RSPH10B2: variants seen among roughly 807,000 people sequenced by gnomAD.
The protein encoded by RSPH10B2 is radial spoke head 10 homolog B2 (Chlamydomonas).
A neutral mutation model predicts 49.0 loss-of-function variants in RSPH10B2; 9 were observed. That is an observed-to-expected ratio of 0.18 (90% CI 0.11 to 0.32). RSPH10B2 has a LOEUF of 0.32. RSPH10B2 is among the 10% of genes least tolerant of loss of function. The pLI is 1.00. For synonymous variants in RSPH10B2, 35 were observed against 210.2 expected (o/e 0.17, Z 7.21); for missense variants, 95 against 589.9 (o/e 0.16, Z 8.69).
At chr7:6,793,551 A>G (rs1355867641) in intron 17 of RSPH10B2, among the ~76,000 whole-genome samples, 2 of 122,590 alleles carry the variant, frequency 1.6e-5, no homozygotes, top group Non-Finnish European at 3.3e-5. Context: ...CAGTTAGGAA[A>G]ATCTCTTCTC....
intron 6 of RSPH10B2, among the ~76,000 whole-genome samples, chr7:6,767,939 G>A (rs1273058588): frequency 2.9e-5 from 4 of 136,978 alleles, no homozygotes; most frequent in Admixed American, 1.5e-4. Flanking sequence ...TGGCTCACAC[G>A]TGTAATCCCA....
chr7:6,781,486 T>C lies in RSPH10B2; in HGVS notation c.1758+10T>C, dbSNP rs1283137432. The C allele has an allele frequency of 5.7e-6, 7 of 1,224,538 alleles. 1 individual carries two copies. The highest frequency in any genetic ancestry group is 7.4e-6 in the Non-Finnish European group (7 of 943,224). 75.9% of individuals were successfully genotyped at this position (1,224,538 alleles called of 1,614,324 possible). A position where few individuals can be genotyped will look rare whatever the true frequency, so the allele number is the denominator to read the frequency against. ...CCTCTGGATGCTGAAAGTAACCACC[T>C]AAGTTCGATATTGGCTTTCTATTTA... On this transcript the variant is annotated intron_variant, in intron 13 of 18. Transcript: ENST00000297186.
rs1397114382 is a variant in RSPH10B2, at chr7:6,796,757, T to TG, written c.2425dup (p.Glu809GlyfsTer18). ...CAGCGGAAGATGGAAGATGACGAACTGGAAGCAAGGTAACTTACGAGGTCC... is the reference window on the plus strand; with the variant it reads ...CAGCGGAAGATGGAAGATGACGAACTGGGAAGCAAGGTAACTTACGAGGTCC... On this transcript the variant is annotated frameshift_variant, in exon 18 of 19. Coordinates refer to ENST00000297186, the Ensembl canonical transcript of RSPH10B2. LOFTEE classifies it low-confidence loss of function (END_TRUNC). The TG allele has an allele frequency of 1.5e-6, 2 of 1,295,578 alleles. No homozygotes were observed. The highest frequency in any genetic ancestry group is 4.0e-5 in the African/African-American group (2 of 50,092). 80.3% of individuals were successfully genotyped at this position (1,295,578 alleles called of 1,614,324 possible).
At chr7:6,780,680 T>C in intron 11 of RSPH10B2, 129 bp from the exon 14 acceptor site, 1 of 1,103,584 alleles carries the variant, frequency 9.1e-7, no homozygotes, top group Non-Finnish European at 1.2e-6. Flanking sequence ...CCACTGACTT[T>C]GCCTTCCCTT....
intron 4 of RSPH10B2, among the ~76,000 whole-genome samples, chr7:6,764,354 C>G (rs1188523922): frequency 6.7e-6 from 1 of 150,292 alleles, no homozygotes; most frequent in African/African-American, 2.5e-5. Flanking sequence ...CATAAATTAA[C>G]CATTTTATTA....
At chr7:6,770,704 G>C (rs1419622338) in intron 7 of RSPH10B2, among the ~76,000 whole-genome samples, 526 of 149,268 alleles carry the variant, frequency 3.5e-3, no homozygotes, top group African/African-American at 0.013. Flanking sequence ...AGGAGATCGA[G>C]ACCATCCTGG....
rs369650101 is a variant in RSPH10B2 at position 6,781,355 on chromosome 7, C to T, written c.1637C>T (p.Thr546Met). ...AATTTATTCCGTGAGCAACAGCGGA[C>T]GCTCTACTCTATGAGTTACATGAAT... Residue 546 changes from threonine to methionine, a missense_variant, in exon 13 of 19, where the codon ACG becomes ATG. Thr to Met is a moderately conservative substitution (Grantham distance 81). Coordinates refer to ENST00000297186, the Ensembl canonical transcript of RSPH10B2. The T allele has an allele frequency of 4.8e-4, 609 of 1,259,192 alleles. 154 individuals carry two copies. The highest frequency in any genetic ancestry group is 5.5e-4 in the Non-Finnish European group (526 of 958,208). 78.0% of individuals were successfully genotyped at this position (1,259,192 alleles called of 1,614,324 possible).
chr7:6,783,040 T>C (rs1782001125), intron 13 of RSPH10B2, among the ~76,000 whole-genome samples: 1 of 122,126 alleles, frequency 8.2e-6, no homozygotes, highest in Non-Finnish European at 1.7e-5. Context: ...CCATGATACT[T>C]TTTTTTTTTT....
rs1302651885 is a variant in RSPH10B2 at position 6,781,909 on chromosome 7, AT to A, written c.1758+440del. On this transcript the variant is annotated intron_variant, in intron 13 of 18. Coordinates refer to ENST00000297186, the Ensembl canonical transcript of RSPH10B2. Reference sequence around the variant, plus strand: ...AAATATATATATAATAAATATATATATTTTTTTAATTTTATTTTTTTGAGAC... The same window carrying A: ...AAATATATATATAATAAATATATATATTTTTTAATTTTATTTTTTTGAGAC... Among the ~76,000 whole-genome samples the A allele has an allele frequency of 2.8e-5, 3 of 107,318 alleles. 1 individual carries two copies. The highest frequency in any genetic ancestry group is 1.1e-4 in the African/African-American group (3 of 27,820). 70.4% of individuals were successfully genotyped at this position (107,318 alleles called of 152,430 possible).
chr7:6,777,246 G>T (rs1781783932), intron 10 of RSPH10B2, among the ~76,000 whole-genome samples: 1 of 40,750 alleles, frequency 2.5e-5, no homozygotes, highest in Non-Finnish European at 4.4e-5. Context: ...TAGTAGAGAT[G>T]GGGTTTTTCC....
intron 17 of RSPH10B2, among the ~76,000 whole-genome samples, chr7:6,793,066 T>TTTTA (rs1463783633): frequency 1.0e-5 from 1 of 97,452 alleles, no homozygotes; most frequent in Non-Finnish European, 2.0e-5. Flanking sequence ...CCTGGGCATT[T>TTTTA]TTTTTTTTTT....
chr7:6,793,875 C>T (rs1463574578), intron 17 of RSPH10B2, among the ~76,000 whole-genome samples: 2 of 151,204 alleles, frequency 1.3e-5, no homozygotes, highest in Non-Finnish European at 2.9e-5. Context: ...AAAATCTCTT[C>T]TCCCACTTTC....
rs566911000 is a variant in RSPH10B2, at chr7:6,781,169, C to A, written c.1610-159C>A. Reference sequence around the variant, plus strand: ...AGGAGAATCGCTTGAGCCTGGGGGGCGGAGGTTGCAGCGAGCCAAGATGGT... The same window carrying A: ...AGGAGAATCGCTTGAGCCTGGGGGGAGGAGGTTGCAGCGAGCCAAGATGGT... On this transcript the variant is annotated intron_variant, in intron 12 of 18. Coordinates refer to ENST00000297186, the Ensembl canonical transcript of RSPH10B2. Among the ~76,000 whole-genome samples the A allele has an allele frequency of 1.7e-5, 2 of 115,162 alleles. 1 individual carries two copies. Among genetic ancestry groups the A allele is most frequent in the Non-Finnish European group, 3.6e-5 (2 of 56,058 alleles). 75.6% of individuals were successfully genotyped at this position (115,162 alleles called of 152,430 possible).
chr7:6,776,873 TCACACA>T (rs746541740), intron 10 of RSPH10B2, among the ~76,000 whole-genome samples: 20,193 of 111,082 alleles, frequency 0.18, 1,162 homozygotes, highest in South Asian at 0.22. Context: ...CGAGACTCCA[TCACACA>T]CACACACACA....
rs1221604374 is a variant in RSPH10B2, at chr7:6,766,987, G to A, written c.780+110G>A. 70 of 1,079,686 alleles carry A rather than the reference G, an allele frequency of 6.5e-5. 9 individuals are homozygous for A. The African/African-American group carries it at 9.9e-4, about 15-fold the overall frequency. The allele number at this position is 1,079,686 out of a possible 1,614,324, so 66.9% of individuals were successfully genotyped here. ...GTTTTTGTTTTTGTTTTGAGACAGA[G>A]TCTCTCTCTGTCTGTCTCCCAGGCT... On this transcript the variant is annotated intron_variant, in intron 6 of 18. Transcript: ENST00000297186.
At chr7:6,784,511 T>TA (rs1413506391) in intron 13 of RSPH10B2, among the ~76,000 whole-genome samples, 21 of 39,940 alleles carry the variant, frequency 5.3e-4, no homozygotes, top group African/African-American at 7.1e-4. Flanking sequence ...ATGAGTGATT[T>TA]AAAAAAAAAA....
At chr7:6,792,824 G>A (rs1782396297) in intron 17 of RSPH10B2, among the ~76,000 whole-genome samples, 2 of 116,608 alleles carry the variant, frequency 1.7e-5, no homozygotes, top group Admixed American at 1.9e-4. Flanking sequence ...CCAGGCTAGA[G>A]TGCAGTGGTG....
chr7:6,765,007 G>A (rs1781416251), intron 4 of RSPH10B2, among the ~76,000 whole-genome samples: 1 of 48,420 alleles, frequency 2.1e-5, no homozygotes, highest in Non-Finnish European at 4.2e-5. Flanking sequence ...CAGTGGATCT[G>A]GTGCCTAAGA....
chr7:6,784,793 C>T (rs1782081060), intron 13 of RSPH10B2, among the ~76,000 whole-genome samples: 1 of 117,982 alleles, frequency 8.5e-6, no homozygotes, highest in Non-Finnish European at 1.7e-5. Context: ...GTCTGGATCT[C>T]TTGACCTCGT....
Sources: allele counts gnomAD v4.1 joint callset (sites outside exome capture counted in the v4.1 genomes callset), GRCh38; gene constraint gnomAD v4.1.1; transcripts MANE v1.5; gene names NCBI Gene and HGNC (gene_info 2026-07-23, HGNC 2026-07-21).